Variants in VMP1 observed in about 807,000 individuals in gnomAD.
VMP1 encodes the protein vacuole membrane protein 1.
In VMP1, 11 loss-of-function variants were observed where a neutral mutation model predicts 56.0. The observed-to-expected ratio is 0.20, with a 90% confidence interval of 0.12 to 0.32. VMP1 has a LOEUF of 0.32. VMP1 is among the 10% of genes least tolerant of loss of function. The pLI is 1.00. For missense variants in VMP1, 296 were observed against 490.3 expected (o/e 0.60, Z 3.74); for synonymous variants, 149 against 165.0 (o/e 0.90, Z 0.74).
At chr17:59,831,282 C>G (rs1417928414) in intron 10 of VMP1, among the ~76,000 whole-genome samples, 1 of 152,172 alleles carries the variant, frequency 6.6e-6, no homozygotes, top group East Asian at 1.9e-4. Flanking sequence ...CAGGATCCTC[C>G]CATCTCAGCC....
intron 7 of VMP1, among the ~76,000 whole-genome samples, chr17:59,780,136 A>G (rs1598383583): frequency 1.3e-5 from 2 of 152,182 alleles, no homozygotes; most frequent in South Asian, 4.1e-4. Flanking sequence ...TCTGTTGGTT[A>G]TGAGGTTTGG....
At chr17:59,809,059 G>C (rs1218842005) in intron 8 of VMP1, among the ~76,000 whole-genome samples, 183 bp downstream of exon 8, 1 of 151,592 alleles carries the variant, frequency 6.6e-6, no homozygotes, top group African/African-American at 2.4e-5. Flanking sequence ...GAGTGCAGTG[G>C]CATGATCTCG....
chr17:59,765,092 C>A lies in VMP1; in HGVS notation c.536C>A (p.Ser179Tyr). Residue 179 changes from serine to tyrosine, a missense_variant, in exon 6 of 12, where the codon TCT becomes TAT. By Grantham distance (144) the Ser-to-Tyr change is moderately radical. Coordinates refer to ENST00000262291, the MANE Select transcript of VMP1 (RefSeq NM_030938.5). ...PDEEGTEGTISLWSIISKVRI... is the reference protein window; with the variant it reads ...PDEEGTEGTIYLWSIISKVRI... ...GAAGAGGGCACTGAAGGAACCATTTCTTTGTGGAGTATCATCTCAAAAGTT... is the reference window on the plus strand; with the variant it reads ...GAAGAGGGCACTGAAGGAACCATTTATTTGTGGAGTATCATCTCAAAAGTT... The A allele has an allele frequency of 6.2e-7, 1 of 1,614,052 alleles. No homozygotes were observed. The highest frequency in any genetic ancestry group is 1.1e-5 in the South Asian group (1 of 91,080).
intron 7 of VMP1, among the ~76,000 whole-genome samples, chr17:59,806,967 A>G (rs912181187): frequency 1.3e-5 from 2 of 151,948 alleles, no homozygotes; most frequent in African/African-American, 4.8e-5. Context: ...ATCATCTTCA[A>G]CAAGTAGAGT....
intron 1 of VMP1, among the ~76,000 whole-genome samples, chr17:59,725,501 G>C (rs1246223471): frequency 1.3e-5 from 2 of 149,804 alleles, no homozygotes; most frequent in Non-Finnish European, 3.0e-5. Flanking sequence ...TTTTATTTTG[G>C]CTGTTTCATA....
intron 5 of VMP1, among the ~76,000 whole-genome samples, chr17:59,758,155 A>T (rs111272581): frequency 1.2e-4 from 18 of 152,008 alleles, no homozygotes; most frequent in African/African-American, 4.4e-4. Flanking sequence ...TTGCCACTTT[A>T]AGATGTACTC....
intron 7 of VMP1, among the ~76,000 whole-genome samples, chr17:59,800,951 G>A (rs1032206866): frequency 4.6e-5 from 7 of 151,622 alleles, no homozygotes; most frequent in Admixed American, 1.3e-4. Flanking sequence ...CTGGTAGCGC[G>A]TGCCTGTAAT....
intron 7 of VMP1, among the ~76,000 whole-genome samples, chr17:59,777,812 TCAAAA>T (rs199590116): frequency 0.14 from 21,187 of 148,416 alleles, 2,337 homozygotes; most frequent in African/African-American, 0.3. Flanking sequence ...AGACTCCGTC[TCAAAA>T]CAAAACAAAA....
At chr17:59,747,441 A>C in intron 5 of VMP1, among the ~76,000 whole-genome samples, 1 of 137,774 alleles carries the variant, frequency 7.3e-6, no homozygotes. Flanking sequence ...ATGGAATCTC[A>C]CTCTGTTGCC....
chr17:59,763,863 A>T (rs1354336206), intron 5 of VMP1, among the ~76,000 whole-genome samples: 2 of 152,220 alleles, frequency 1.3e-5, no homozygotes, highest in African/African-American at 4.8e-5. Context: ...AATCTCGTGT[A>T]TATATATGTA....
intron 7 of VMP1, among the ~76,000 whole-genome samples, chr17:59,794,726 T>C (rs76312010): frequency 1.3e-4 from 19 of 151,492 alleles, no homozygotes; most frequent in Non-Finnish European, 2.1e-4. Flanking sequence ...TAATAAATAC[T>C]GGAGTCAGCC....
At chr17:59,753,667 C>G (rs913145005) in intron 5 of VMP1, among the ~76,000 whole-genome samples, 1 of 152,096 alleles carries the variant, frequency 6.6e-6, no homozygotes. Context: ...TTCACAAAGC[C>G]CCATATCCCT....
intron 5 of VMP1, among the ~76,000 whole-genome samples, chr17:59,751,131 A>G (rs1279751319): frequency 6.6e-6 from 1 of 151,820 alleles, no homozygotes; most frequent in Non-Finnish European, 1.5e-5. Flanking sequence ...ACAGGGTTTC[A>G]CCGTGTTAGC....
In VMP1 at chr17:59,721,834, A is replaced by G. The variant is rs536525138; in HGVS notation, c.-26-9587A>G. Among the ~76,000 whole-genome samples the G allele has an allele frequency of 2.0e-5, 3 of 152,338 alleles. No individual in the cohort carries two copies. In the East Asian group the frequency reaches 5.8e-4, roughly 29 times the overall value. ...TTGTCATAACAGAATACCACAGACA[A>G]AACATGGCAAAACCCCATCTATGTT... On this transcript the variant is annotated intron_variant, in intron 1 of 11. Transcript: ENST00000262291.
At chr17:59,815,547 A>G (rs889195569) in intron 9 of VMP1, among the ~76,000 whole-genome samples, 3 of 152,130 alleles carry the variant, frequency 2.0e-5, no homozygotes, top group Non-Finnish European at 4.4e-5. Flanking sequence ...TTAATAACTG[A>G]ATCTGTCTTA....
At chr17:59,819,885 G>T (rs1335036781) in intron 10 of VMP1, among the ~76,000 whole-genome samples, 4 of 152,168 alleles carry the variant, frequency 2.6e-5, no homozygotes, top group African/African-American at 7.2e-5. Flanking sequence ...TTTATAGAAA[G>T]AAGTTTTTCA....
intron 5 of VMP1, among the ~76,000 whole-genome samples, chr17:59,743,930 G>A (rs1240779774): frequency 6.6e-6 from 1 of 151,944 alleles, no homozygotes; most frequent in Non-Finnish European, 1.5e-5. Context: ...TCAAAATAAT[G>A]TTGAAGAGGA....
chr17:59,839,630 A>G (rs2144361652), intron 11 of VMP1, 138 bp from the exon 12 acceptor site: 2 of 998,942 alleles, frequency 2.0e-6, no homozygotes, highest in South Asian at 1.7e-5. Context: ...ATTTCAGAGT[A>G]GTTGGGGTTG....
intron 7 of VMP1, among the ~76,000 whole-genome samples, chr17:59,804,546 C>G (rs902603615): frequency 7.1e-6 from 1 of 141,254 alleles, no homozygotes; most frequent in Non-Finnish European, 1.5e-5. Flanking sequence ...ACCCGGGAGG[C>G]AGATGTTGCA....
Sources: gnomAD v4.1 joint callset for allele counts (sites outside exome capture counted in the v4.1 genomes callset) on GRCh38, gnomAD v4.1.1 for gene constraint, MANE v1.5 for transcripts, NCBI Gene and HGNC (gene_info 2026-07-23, HGNC 2026-07-21) for gene names.